Variants in PSMG2 observed in about 807,000 individuals in gnomAD.
PSMG2 encodes CD40 ligand-activated specific transcript 3.
In PSMG2, 21 loss-of-function variants were observed where a neutral mutation model predicts 31.5. The ratio of observed to expected loss-of-function variants is 0.67; its 90% confidence interval spans 0.47 to 0.96. The LOEUF (loss-of-function observed/expected upper bound fraction) is 0.96, where lower values mean the gene tolerates loss of function less well. Among genes scored for constraint, PSMG2 ranks in the 40% least tolerant of loss-of-function variants. The pLI, the probability that PSMG2 is intolerant of heterozygous loss-of-function variation, is 0.00. For synonymous variants in PSMG2, 120 were observed against 110.4 expected, an observed-to-expected ratio of 1.09 and a Z score of -0.54; for missense variants, 318 against 321.2, an observed-to-expected ratio of 0.99 and a Z score of 0.08.
chr18:12,703,356 C>T (rs1598675824), intron 1 of PSMG2, among the ~76,000 whole-genome samples, 192 bp downstream of exon 1: 1 of 152,230 alleles, frequency 6.6e-6, no homozygotes, highest in Non-Finnish European at 1.5e-5. Context: ...GGCTGTAAAA[C>T]CAAACGTAGT....
At chr18:12,699,902 T>C (rs752510161), upstream of PSMG2, 37 of 1,583,094 alleles carry the variant, frequency 2.3e-5, no homozygotes, top group Middle Eastern at 1.5e-3. Context: ...TGCTCAACAC[T>C]GTCCTAGAAA....
rs199893903 is a variant in PSMG2 at position 12,660,974 on chromosome 18, AACTT to A, written c.-37+2205_-37+2208del. Among the ~76,000 whole-genome samples, 1,167 of 152,342 alleles carry A rather than the reference AACTT, an allele frequency of 7.7e-3. 20 individuals are homozygous for A. The highest frequency in any genetic ancestry group is 0.026 in the African/African-American group (1,094 of 41,570). The stretch of plus-strand genomic sequence containing the variant: ...TGACTCTTTTTTGTATAAAGACTAT[AACTT>A]ACTAACTTCTAAATGATTTTCAGTA... On this transcript the variant is annotated intron_variant, in intron 1 of 6. Transcript: ENST00000585331.
intron 3 of PSMG2, among the ~76,000 whole-genome samples, chr18:12,713,812 T>C (rs1202089257): frequency 6.6e-6 from 1 of 152,116 alleles, no homozygotes; most frequent in Non-Finnish European, 1.5e-5. Context: ...CAGGCTTAAG[T>C]GCACTGATGT....
intron 1 of PSMG2, among the ~76,000 whole-genome samples, chr18:12,667,247 G>A (rs139848787): frequency 1.3e-5 from 2 of 152,194 alleles, no homozygotes; most frequent in Non-Finnish European, 2.9e-5. Context: ...GATCGCTTGA[G>A]GCCATGAGTT....
At chr18:12,695,025 T>C (rs565634524) in intron 1 of PSMG2, among the ~76,000 whole-genome samples, 2 of 152,310 alleles carry the variant, frequency 1.3e-5, no homozygotes, top group Non-Finnish European at 2.9e-5. Flanking sequence ...GTAATTCTTA[T>C]GCTGTCTCAA....
intron 1 of PSMG2, among the ~76,000 whole-genome samples, chr18:12,682,432 G>A (rs780140001): frequency 3.9e-5 from 6 of 152,062 alleles, no homozygotes; most frequent in Admixed American, 6.6e-5. Flanking sequence ...CAAGCAATCC[G>A]CTTGCCTCAG....
At chr18:12,668,597 C>CAAAAAAAAAAAAAAAAAAAAAAA (rs752216074) in intron 1 of PSMG2, among the ~76,000 whole-genome samples, 3 of 72,836 alleles carry the variant, frequency 4.1e-5, no homozygotes, top group Admixed American at 2.3e-4. Context: ...GATTCCATCT[C>CAAAAAAAAAAAAAAAAAAAAAAA]AAAAAAAAAA....
At chr18:12,686,467 A>C in intron 1 of PSMG2, 1 of 1,558,780 alleles carries the variant, frequency 6.4e-7, no homozygotes. Flanking sequence ...AAAAGGGGAA[A>C]AACATCTGTA....
intron 1 of PSMG2, chr18:12,697,173 A>G (rs1018873205): frequency 9.6e-6 from 12 of 1,243,938 alleles, no homozygotes; most frequent in Non-Finnish European, 1.4e-5. Context: ...TATATTTACA[A>G]ATGAACTGTG....
chr18:12,721,483 A>T lies in PSMG2; in HGVS notation c.581+800A>T, dbSNP rs1485697926. 2.6e-5 allele frequency among the ~76,000 whole-genome samples: 4 copies of T among 152,196 alleles called. No homozygotes were observed. The East Asian group carries it at 7.7e-4, about 29-fold the overall frequency. ...GCATCTGCATCCATCAGCACTGTCT[A>T]CTTCTAGAACTTTGTCGTCATACTA... On this transcript the variant is annotated intron_variant, in intron 5 of 6. Coordinates refer to ENST00000317615, the MANE Select transcript of PSMG2 (RefSeq NM_020232.5).
chr18:12,682,484 T>G (rs2039386367), intron 1 of PSMG2, among the ~76,000 whole-genome samples: 1 of 152,086 alleles, frequency 6.6e-6, no homozygotes, highest in African/African-American at 2.4e-5. Context: ...CCACCTTACC[T>G]GGCCAAGAAA....
chr18:12,705,758 C>G (rs564756896), intron 1 of PSMG2, among the ~76,000 whole-genome samples: 2 of 152,276 alleles, frequency 1.3e-5, no homozygotes, highest in East Asian at 3.9e-4. Flanking sequence ...GATCTCTGTA[C>G]GGCTGTCTCC....
At chr18:12,673,308 G>T in intron 1 of PSMG2, 1 of 1,556,664 alleles carries the variant, frequency 6.4e-7, no homozygotes, top group Non-Finnish European at 8.6e-7. Flanking sequence ...GCTAAGTAAT[G>T]TACAATGTGT....
intron 1 of PSMG2, chr18:12,686,450 C>T (rs774873122): frequency 1.2e-6 from 2 of 1,601,168 alleles, no homozygotes; most frequent in Non-Finnish European, 1.7e-6. Flanking sequence ...CCATTTTCAT[C>T]CTAGGGAAAA....
chr18:12,716,736 T>C (rs1358417242), intron 3 of PSMG2, among the ~76,000 whole-genome samples: 4 of 151,936 alleles, frequency 2.6e-5, no homozygotes, highest in Admixed American at 2.6e-4. Context: ...TGAGCATTGA[T>C]TCTTTGTGCT....
chr18:12,713,651 G>C (rs1358098278), intron 3 of PSMG2, among the ~76,000 whole-genome samples: 1 of 152,124 alleles, frequency 6.6e-6, no homozygotes, highest in Non-Finnish European at 1.5e-5. Context: ...GACTCTACTT[G>C]GCCATATTGG....
intron 1 of PSMG2, among the ~76,000 whole-genome samples, chr18:12,666,153 CAAAA>C (rs35334528): frequency 7.7e-5 from 9 of 116,888 alleles, no homozygotes; most frequent in Non-Finnish European, 7.1e-5. Flanking sequence ...CTCATCTCTA[CAAAA>C]AAAAAAAAAA....
chr18:12,717,469 G>A (rs1439510679), intron 3 of PSMG2, among the ~76,000 whole-genome samples: 7 of 152,252 alleles, frequency 4.6e-5, no homozygotes, highest in Non-Finnish European at 5.9e-5. Flanking sequence ...CTCGCTATGC[G>A]CGTACACAGT....
intron 1 of PSMG2, chr18:12,673,134 A>T: frequency 8.9e-7 from 1 of 1,123,344 alleles, no homozygotes; most frequent in South Asian, 2.9e-5. Context: ...AATAGAATAT[A>T]CACTTAATTT....
Sources: gnomAD v4.1 joint callset for allele counts (sites outside exome capture counted in the v4.1 genomes callset) on GRCh38, gnomAD v4.1.1 for gene constraint, MANE v1.5 for transcripts, NCBI Gene and HGNC (gene_info 2026-07-23, HGNC 2026-07-21) for gene names.